NFIA: variants seen among roughly 807,000 people sequenced by gnomAD.
The protein encoded by NFIA is nuclear factor I A, also known as nuclear factor 1 A-type.
Under a neutral mutation model 62.8 loss-of-function variants are expected in NFIA, and 8 were observed. That is an observed-to-expected ratio of 0.13 (90% CI 0.07 to 0.23). The LOEUF (loss-of-function observed/expected upper bound fraction) is 0.23, where lower values mean the gene tolerates loss of function less well. NFIA is among the 10% of genes least tolerant of loss of function. The pLI is 1.00. For synonymous variants in NFIA, 235 were observed against 238.1 expected, an observed-to-expected ratio of 0.99 and a Z score of 0.12; for missense variants, 410 against 642.1, an observed-to-expected ratio of 0.64 and a Z score of 3.91.
At chr1:61,224,146 A>G (rs1654183110) in intron 2 of NFIA, among the ~76,000 whole-genome samples, 2 of 152,044 alleles carry the variant, frequency 1.3e-5, no homozygotes, top group African/African-American at 2.4e-5. Context: ...TATTAGTTTA[A>G]TATTTAAAAA....
At chr1:61,319,525 T>G (rs575214605) in intron 3 of NFIA, among the ~76,000 whole-genome samples, 69 of 152,184 alleles carry the variant, frequency 4.5e-4, no homozygotes, top group African/African-American at 1.6e-3. Flanking sequence ...AAGCTGTGTG[T>G]CTGTGTGTGT....
intron 2 of NFIA, among the ~76,000 whole-genome samples, chr1:61,102,658 T>C (rs1646531959): frequency 6.6e-6 from 1 of 152,198 alleles, no homozygotes; most frequent in Admixed American, 6.5e-5. Context: ...TTTTTAAATA[T>C]TTCAGGTTAG....
chr1:61,081,228 AGGAGAGCCT>A (rs1220070483), upstream of NFIA, among the ~76,000 whole-genome samples: 1 of 151,828 alleles, frequency 6.6e-6, no homozygotes, highest in Non-Finnish European at 1.5e-5. Context: ...CCTCCGAGAG[AGGAGAGCCT>A]AGAGAGAAAA....
At chr1:61,184,145 C>CCA (rs1553159022) in intron 2 of NFIA, among the ~76,000 whole-genome samples, 2 of 142,746 alleles carry the variant, frequency 1.4e-5, no homozygotes, top group African/African-American at 2.7e-5. Context: ...AAAAAAAACC[C>CCA]AAAAAAACAA....
chr1:61,104,628 C>T (rs968321833), intron 2 of NFIA, among the ~76,000 whole-genome samples: 36 of 151,912 alleles, frequency 2.4e-4, no homozygotes, highest in Admixed American at 1.8e-3. Flanking sequence ...TTTCTCTAGG[C>T]GTGTTCATTA....
At chr1:61,086,500 C>T (rs1204659259) in intron 1 of NFIA, among the ~76,000 whole-genome samples, 2 of 152,060 alleles carry the variant, frequency 1.3e-5, no homozygotes, top group Non-Finnish European at 2.9e-5. Context: ...TTAAAGAATG[C>T]ACACGTGTTA....
intron 9 of NFIA, among the ~76,000 whole-genome samples, chr1:61,415,751 A>T (rs1226337201): frequency 1.3e-5 from 2 of 152,180 alleles, no homozygotes; most frequent in Non-Finnish European, 2.9e-5. Flanking sequence ...TATATATAAA[A>T]TGTAAATGTG....
chr1:61,185,401 C>T (rs1431381157), intron 2 of NFIA, among the ~76,000 whole-genome samples: 1 of 152,212 alleles, frequency 6.6e-6, no homozygotes, highest in Admixed American at 6.5e-5. Context: ...AAGCCACCAT[C>T]ATCCTTACCC....
chr1:61,231,860 A>AAAC (rs775565431), intron 2 of NFIA, among the ~76,000 whole-genome samples: 2 of 148,678 alleles, frequency 1.3e-5, no homozygotes, highest in Non-Finnish European at 3.0e-5. Flanking sequence ...ACAAACAAAC[A>AAAC]AACAACAACA....
intron 2 of NFIA, among the ~76,000 whole-genome samples, chr1:61,110,539 T>C (rs901200366): frequency 1.3e-5 from 2 of 152,106 alleles, no homozygotes. Context: ...TCTGAAGCTA[T>C]TTGAGTCATA....
chr1:61,386,616 G>A (rs1664700174), intron 7 of NFIA, among the ~76,000 whole-genome samples: 1 of 152,082 alleles, frequency 6.6e-6, no homozygotes, highest in Admixed American at 6.5e-5. Flanking sequence ...AGCAAATCAA[G>A]GTCACCTCAC....
chr1:61,124,484 T>C (rs1377092475), intron 2 of NFIA, among the ~76,000 whole-genome samples: 1 of 152,176 alleles, frequency 6.6e-6, no homozygotes, highest in African/African-American at 2.4e-5. Flanking sequence ...TTAAGGATTT[T>C]CTATTTTGAC....
intron 2 of NFIA, among the ~76,000 whole-genome samples, chr1:61,215,470 A>G (rs1653555770): frequency 6.6e-6 from 1 of 152,132 alleles, no homozygotes; most frequent in Non-Finnish European, 1.5e-5. Context: ...TAGTTAAAAA[A>G]AAAAAGTAAA....
At chr1:61,238,853 T>C (rs923706127) in intron 2 of NFIA, among the ~76,000 whole-genome samples, 6 of 152,164 alleles carry the variant, frequency 3.9e-5, no homozygotes, top group Non-Finnish European at 7.4e-5. Context: ...TTGATAGCTG[T>C]CACAGCTCTC....
chr1:61,180,368 A>C (rs1000396712), intron 2 of NFIA, among the ~76,000 whole-genome samples: 1 of 152,106 alleles, frequency 6.6e-6, no homozygotes, highest in Non-Finnish European at 1.5e-5. Flanking sequence ...GGGAAACCTC[A>C]CTATTGATTG....
At chr1:61,424,457 G>A (rs2100551731) in intron 9 of NFIA, among the ~76,000 whole-genome samples, 1 of 152,228 alleles carries the variant, frequency 6.6e-6, no homozygotes, top group East Asian at 1.9e-4. Context: ...TCTATGATGA[G>A]CAGCAGGCGA....
intron 3 of NFIA, among the ~76,000 whole-genome samples, chr1:61,306,294 T>TTTTTAA (rs748026405): frequency 9.1e-6 from 1 of 109,704 alleles, no homozygotes; most frequent in Non-Finnish European, 1.8e-5. Flanking sequence ...TTTTTTTTTT[T>TTTTTAA]AAGACAGAGT....
At chr1:61,111,992 A>G (rs1646701139) in intron 2 of NFIA, among the ~76,000 whole-genome samples, 1 of 151,600 alleles carries the variant, frequency 6.6e-6, no homozygotes, top group Non-Finnish European at 1.5e-5. Flanking sequence ...CTTTTCTACC[A>G]ATGGAGAGGT....
At chr1:61,108,894 G>A (rs1055907773) in intron 2 of NFIA, among the ~76,000 whole-genome samples, 2 of 151,740 alleles carry the variant, frequency 1.3e-5, no homozygotes, top group Non-Finnish European at 3.0e-5. Context: ...TGGGTAAATA[G>A]TGTTTTTAAA....
Sources: gnomAD v4.1 joint callset for allele counts (sites outside exome capture counted in the v4.1 genomes callset) on GRCh38, gnomAD v4.1.1 for gene constraint, MANE v1.5 for transcripts, NCBI Gene and HGNC (gene_info 2026-07-23, HGNC 2026-07-21) for gene names.